Variants in TSEN2 observed in about 807,000 individuals in gnomAD.
TSEN2 encodes tRNA splicing endonuclease subunit 2.
Under a neutral mutation model 59.2 loss-of-function variants are expected in TSEN2, and 54 were observed. That is an observed-to-expected ratio of 0.91 (90% confidence interval 0.73 to 1.14). TSEN2 has a LOEUF of 1.14. Ranked by LOEUF, TSEN2 falls within the 50% of genes most tolerant of loss-of-function variation. TSEN2 has a pLI of 0.00. For missense variants in TSEN2, 636 were observed against 576.2 expected (o/e 1.10, Z -1.06); for synonymous variants, 195 against 198.2 (o/e 0.98, Z 0.14).
At chr3:12,526,178 C>A (rs1797880) in intron 8 of TSEN2, among the ~76,000 whole-genome samples, 75,184 of 150,866 alleles carry the variant, frequency 0.5, 19,898 homozygotes, top group African/African-American at 0.65. Flanking sequence ...GTCTCTCTCT[C>A]TATATATGTG....
upstream of TSEN2, among the ~76,000 whole-genome samples, chr3:12,482,124 G>A (rs1385443662): frequency 6.6e-6 from 1 of 152,078 alleles, no homozygotes; most frequent in Admixed American, 6.6e-5. Flanking sequence ...TTGTAGAAGC[G>A]ATTTTTTATT....
chr3:12,493,044 T>G, intron 3 of TSEN2, among the ~76,000 whole-genome samples: 1 of 152,252 alleles, frequency 6.6e-6, no homozygotes, highest in East Asian at 1.9e-4. Flanking sequence ...TTTGCCCTTT[T>G]GTGTCTGTTG....
intron 3 of TSEN2, among the ~76,000 whole-genome samples, chr3:12,495,256 G>A (rs916469277): frequency 3.3e-5 from 5 of 151,686 alleles, no homozygotes; most frequent in African/African-American, 9.7e-5. Context: ...AGTAACTTTT[G>A]GTTTTTTTGG....
chr3:12,518,749 A>G (rs1165969309), intron 7 of TSEN2, among the ~76,000 whole-genome samples: 32 of 147,296 alleles, frequency 2.2e-4, no homozygotes, highest in Non-Finnish European at 1.3e-4. Flanking sequence ...TGTATATTTT[A>G]CACTTAGAGC....
chr3:12,482,637 G>A (rs1191608009), upstream of TSEN2, among the ~76,000 whole-genome samples: 4 of 151,654 alleles, frequency 2.6e-5, no homozygotes, highest in Admixed American at 2.6e-4. Flanking sequence ...ATCCTTCCAC[G>A]AGCTGGGATG....
intron 10 of TSEN2, 97 bp downstream of exon 10, chr3:12,529,970 A>G (rs1278081174): frequency 6.5e-7 from 1 of 1,535,492 alleles, no homozygotes; most frequent in East Asian, 2.4e-5. Context: ...TTAGTTGTAG[A>G]AACTTCATAA....
chr3:12,511,110 G>C (rs2055403564), intron 6 of TSEN2: 1 of 152,268 alleles, frequency 6.6e-6, no homozygotes, highest in Non-Finnish European at 1.5e-5. Flanking sequence ...ACAGCATCCA[G>C]TATTCCCAGG....
Position 12,530,234 on chromosome 3 carries a change from A to G in TSEN2, c.1248+361A>G, listed in dbSNP as rs762773440. On this transcript the variant is annotated intron_variant, in intron 10 of 11. Transcript: ENST00000284995. Reference sequence around the variant, plus strand: ...AACATTCACTCATACACATATTCACAAAGGAGTCAAAACATTGAAAGTTTG... The same window carrying G: ...AACATTCACTCATACACATATTCACGAAGGAGTCAAAACATTGAAAGTTTG... 3.2e-5 allele frequency: 33 copies of G among 1,028,290 alleles called. No individual in the cohort carries two copies. In the Admixed American group the frequency reaches 3.8e-4, roughly 12 times the overall value. The allele number at this position is 1,028,290 out of a possible 1,614,324, so 63.7% of individuals were successfully genotyped here.
At chr3:12,490,017 A>T (rs778695959) in intron 2 of TSEN2, 28 bp downstream of exon 2, 11 of 1,608,772 alleles carry the variant, frequency 6.8e-6, no homozygotes, top group Non-Finnish European at 9.4e-6. Flanking sequence ...TGGTAAGATT[A>T]CTTTCAGACA....
chr3:12,496,461 G>A (rs2053757568), intron 3 of TSEN2, 57 bp from the exon 4 acceptor site: 3 of 1,554,822 alleles, frequency 1.9e-6, no homozygotes, highest in South Asian at 1.1e-5. Flanking sequence ...TAGATTTTTA[G>A]TGTTTGTTCC....
chr3:12,497,128 C>T (rs1356219797), intron 4 of TSEN2, among the ~76,000 whole-genome samples: 2 of 152,246 alleles, frequency 1.3e-5, no homozygotes. Context: ...CCACAGCCCT[C>T]TTCGGCGTGC....
intron 8 of TSEN2, among the ~76,000 whole-genome samples, chr3:12,524,714 A>C (rs2056937952): frequency 6.6e-6 from 1 of 151,546 alleles, no homozygotes; most frequent in Non-Finnish European, 1.5e-5. Context: ...AGCTGCCATT[A>C]AACCTACTGC....
At chr3:12,505,291 T>G in intron 6 of TSEN2, 60 bp downstream of exon 6, 1 of 1,002,464 alleles carries the variant, frequency 1.0e-6, no homozygotes, top group Non-Finnish European at 1.6e-6. Context: ...CTACACTATA[T>G]GTGAACCTAC....
intron 6 of TSEN2, among the ~76,000 whole-genome samples, chr3:12,513,251 A>T (rs561127730): frequency 1.3e-5 from 2 of 152,234 alleles, no homozygotes; most frequent in Non-Finnish European, 2.9e-5. Flanking sequence ...ATTTTAGCAG[A>T]TATCAAGAAA....
At chr3:12,506,113 A>G (rs1465730045) in intron 6 of TSEN2, among the ~76,000 whole-genome samples, 3 of 144,834 alleles carry the variant, frequency 2.1e-5, no homozygotes, top group South Asian at 2.1e-4. Flanking sequence ...CAAAAATACT[A>G]TAATTCATAT....
chr3:12,497,357 G>A (rs1202011395), intron 4 of TSEN2, among the ~76,000 whole-genome samples: 1 of 152,190 alleles, frequency 6.6e-6, no homozygotes, highest in Non-Finnish European at 1.5e-5. Context: ...TGTTCATCTT[G>A]CTTCTGGCAT....
intron 8 of TSEN2, among the ~76,000 whole-genome samples, chr3:12,521,453 G>A (rs577646486): frequency 3.3e-4 from 51 of 152,322 alleles, no homozygotes; most frequent in African/African-American, 1.1e-3. Context: ...AGTGGCTCAC[G>A]CCTGGATTCT....
chr3:12,488,871 C>T (rs1017783077), intron 1 of TSEN2, among the ~76,000 whole-genome samples: 1 of 152,204 alleles, frequency 6.6e-6, no homozygotes, highest in Non-Finnish European at 1.5e-5. Context: ...CCTGGGTCAC[C>T]CGATGCCACC....
chr3:12,511,200 G>A (rs1436337778), intron 6 of TSEN2: 1 of 152,262 alleles, frequency 6.6e-6, no homozygotes, highest in Non-Finnish European at 1.5e-5. Context: ...ATTGAGAGTA[G>A]CATGGCTGTA....
Sources: gnomAD v4.1 joint callset for allele counts (sites outside exome capture counted in the v4.1 genomes callset) on GRCh38, gnomAD v4.1.1 for gene constraint, MANE v1.5 for transcripts, NCBI Gene and HGNC (gene_info 2026-07-23, HGNC 2026-07-21) for gene names.